The following ARPC1A variants were observed in gnomAD, a reference collection of about 807,000 sequenced individuals.
ARPC1A encodes actin related protein 2/3 complex subunit 1A, also known as actin-related protein 2/3 complex subunit 1A.
A neutral mutation model predicts 46.9 loss-of-function variants in ARPC1A; 8 were observed. The ratio of observed to expected loss-of-function variants is 0.17; its 90% CI spans 0.10 to 0.31. ARPC1A has a LOEUF of 0.31. ARPC1A is among the 10% of genes least tolerant of loss of function. The pLI is 1.00. For synonymous variants in ARPC1A, 152 were observed against 169.0 expected, an observed-to-expected ratio of 0.90 and a Z score of 0.78; for missense variants, 286 against 483.6, an observed-to-expected ratio of 0.59 and a Z score of 3.83.
intron 4 of ARPC1A, among the ~76,000 whole-genome samples, chr7:99,345,017 C>A (rs765440050): frequency 7.1e-6 from 1 of 140,470 alleles, no homozygotes. Context: ...CTCACTGCAA[C>A]GTCCGCCCCC....
At chr7:99,348,741 A>T (rs545200915) in intron 4 of ARPC1A, 111 bp from the exon 5 acceptor site, 38 of 607,060 alleles carry the variant, frequency 6.3e-5, no homozygotes, top group Admixed American at 5.6e-4. Flanking sequence ...ATTTTTTTTT[A>T]AATTAAGGAA....
At chr7:99,346,936 G>A (rs1793463113) in intron 4 of ARPC1A, among the ~76,000 whole-genome samples, 1 of 152,150 alleles carries the variant, frequency 6.6e-6, no homozygotes, top group South Asian at 2.1e-4. Flanking sequence ...CCGAGACCAT[G>A]CCACTGCACT....
rs1554344242 is a variant in ARPC1A, at chr7:99,338,400, T to TTTC, written c.169+117_169+118insCTT. 806 of 745,564 alleles carry TTTC rather than the reference T, an allele frequency of 1.1e-3. 9 individuals carry two copies. The African/African-American group carries it at 0.016, about 14-fold the overall frequency. The allele number at this position is 745,564 out of a possible 1,614,324, so 46.2% of individuals were successfully genotyped here. A position where few individuals can be genotyped will look rare whatever the true frequency, so the allele number is the denominator to read the frequency against. ...ATAATTTTTTTTTTTTTTTTTTTTT[T>TTTC]TTTGAGAAGGAGTATCACTCTTTCG... On this transcript the variant is annotated intron_variant, in intron 3 of 9. Transcript: ENST00000262942.
chr7:99,353,128 G>A lies in ARPC1A; in HGVS notation c.501-781G>A, dbSNP rs540713114. Among the ~76,000 whole-genome samples the A allele has an allele frequency of 5.6e-5, 7 of 124,390 alleles. No individual in the cohort carries two copies. In the Admixed American group the frequency reaches 5.9e-4, roughly 10 times the overall value. The allele number at this position is 124,390 out of a possible 152,430, so 81.6% of individuals were successfully genotyped here. A position where few individuals can be genotyped will look rare whatever the true frequency, so the allele number is the denominator to read the frequency against. On this transcript the variant is annotated intron_variant, in intron 5 of 9. Coordinates refer to ENST00000262942, the MANE Select transcript of ARPC1A (RefSeq NM_006409.4). ...TTTAGTTTAGTTTATGTTATGTTAT[G>A]TTATGTTATGTTATGTTATGTTATG...
intron 3 of ARPC1A, among the ~76,000 whole-genome samples, chr7:99,342,716 CT>C (rs555524613): frequency 0.046 from 4,695 of 101,830 alleles, 77 homozygotes; most frequent in African/African-American, 0.17. Flanking sequence ...CTTCATACTA[CT>C]TTTTTTTTTT....
At chr7:99,344,879 T>C (rs575980778) in intron 4 of ARPC1A, among the ~76,000 whole-genome samples, 46 of 143,068 alleles carry the variant, frequency 3.2e-4, no homozygotes, top group African/African-American at 6.1e-4. Flanking sequence ...TTTTTTTTTT[T>C]CACAGGATAT....
intron 5 of ARPC1A, among the ~76,000 whole-genome samples, chr7:99,349,427 T>C (rs1339817173): frequency 6.6e-6 from 1 of 151,920 alleles, no homozygotes; most frequent in East Asian, 2.0e-4. Context: ...AAATGAGGCC[T>C]GGTGCTGTGG....
intron 4 of ARPC1A, among the ~76,000 whole-genome samples, chr7:99,348,538 C>T (rs1269160991): frequency 6.6e-6 from 1 of 152,158 alleles, no homozygotes; most frequent in Non-Finnish European, 1.5e-5. Context: ...GAAATCTCAT[C>T]TCTACAAAAA....
chr7:99,365,179 A>C (rs1793814202), intron 9 of ARPC1A, among the ~76,000 whole-genome samples: 1 of 152,138 alleles, frequency 6.6e-6, no homozygotes. Flanking sequence ...AGCCAGGCGC[A>C]GTGGCTCATG....
chr7:99,351,721 TG>T (rs1793545065), intron 5 of ARPC1A, among the ~76,000 whole-genome samples: 1 of 152,148 alleles, frequency 6.6e-6, no homozygotes, highest in South Asian at 2.1e-4. Flanking sequence ...GTACTGCCAT[TG>T]TCATTTGGGG....
rs143115956 is a variant in ARPC1A, at chr7:99,326,761, G to A, written c.-30+757G>A. ...GAGAGTAGGTGATCAATAAATATTA[G>A]CTATTATTACTGCTTCTGGGCATTC... On this transcript the variant is annotated intron_variant, in intron 1 of 9. Transcript: ENST00000262942. 5.9e-3 allele frequency among the ~76,000 whole-genome samples: 898 copies of A among 152,236 alleles called. 9 individuals are homozygous for A. The highest frequency in any genetic ancestry group is 0.021 in the African/African-American group (854 of 41,540).
chr7:99,363,754 A>G, intron 9 of ARPC1A, 121 bp downstream of exon 9: 1 of 685,544 alleles, frequency 1.5e-6, no homozygotes, highest in Non-Finnish European at 2.4e-6. Flanking sequence ...GGCTCACTGC[A>G]GCCACCAACT....
intron 8 of ARPC1A, 101 bp from the exon 9 acceptor site, chr7:99,363,442 A>G (rs1163238856): frequency 1.2e-6 from 1 of 840,114 alleles, no homozygotes; most frequent in Non-Finnish European, 1.9e-6. Context: ...AAAGAAGAAG[A>G]TAATTCATTT....
intron 2 of ARPC1A, among the ~76,000 whole-genome samples, chr7:99,335,156 A>C (rs1793221564): frequency 6.6e-6 from 1 of 151,908 alleles, no homozygotes; most frequent in South Asian, 2.1e-4. Flanking sequence ...CACCTGGCTA[A>C]TTTTTGTATT....
chr7:99,331,282 C>T (rs1342462095), intron 1 of ARPC1A, among the ~76,000 whole-genome samples: 1 of 152,124 alleles, frequency 6.6e-6, no homozygotes, highest in African/African-American at 2.4e-5. Flanking sequence ...GTAGCCACAG[C>T]TACTCAGGAG....
intron 2 of ARPC1A, 59 bp from the exon 3 acceptor site, chr7:99,338,122 C>T: frequency 1.6e-6 from 2 of 1,286,724 alleles, no homozygotes; most frequent in Non-Finnish European, 2.2e-6. Context: ...GTGACATGTC[C>T]CCTTTTTGGT....
At chr7:99,362,273 G>A (rs947125719) in intron 8 of ARPC1A, among the ~76,000 whole-genome samples, 5 of 151,046 alleles carry the variant, frequency 3.3e-5, no homozygotes, top group Non-Finnish European at 7.4e-5. Flanking sequence ...CAGCCTGAGT[G>A]ACAGAGTGAG....
At chr7:99,342,544 CA>C (rs969311370) in intron 3 of ARPC1A, among the ~76,000 whole-genome samples, 29 of 140,162 alleles carry the variant, frequency 2.1e-4, no homozygotes, top group Admixed American at 2.1e-4. Flanking sequence ...GACCCTGTCT[CA>C]AAAAAAAAAA....
chr7:99,335,542 G>T, intron 2 of ARPC1A: 3 of 291,490 alleles, frequency 1.0e-5, no homozygotes, highest in East Asian at 1.3e-4. Context: ...AGATTATTTT[G>T]GTTATTGTGT....
Sources: allele counts gnomAD v4.1 joint callset (sites outside exome capture counted in the v4.1 genomes callset), GRCh38; gene constraint gnomAD v4.1.1; transcripts MANE v1.5; gene names NCBI Gene and HGNC (gene_info 2026-07-23, HGNC 2026-07-21).